Variants in TRPA1 observed in about 807,000 individuals in gnomAD.
TRPA1 encodes the protein transient receptor potential cation channel subfamily A member 1, also known as ankyrin-like with transmembrane domains 1.
Under a neutral mutation model 131.3 loss-of-function variants are expected in TRPA1, and 129 were observed. The ratio of observed to expected loss-of-function variants is 0.98; its 90% CI spans 0.85 to 1.14. The LOEUF is 1.14. Ranked by LOEUF, TRPA1 falls within the 50% of genes most tolerant of loss-of-function variation. TRPA1 has a pLI of 0.00. For synonymous variants in TRPA1, 441 were observed against 451.7 expected (o/e 0.98, Z 0.30); for missense variants, 1,304 against 1,354.2 (o/e 0.96, Z 0.58).
chr8:72,047,032 A>AGT (rs1805346925), intron 16 of TRPA1, 116 bp downstream of exon 16: 7 of 797,846 alleles, frequency 8.8e-6, no homozygotes, highest in African/African-American at 1.8e-5. Context: ...ATAATATGAC[A>AGT]AATTAGATCA....
intron 4 of TRPA1, among the ~76,000 whole-genome samples, chr8:72,064,792 A>G (rs913017705): frequency 1.3e-5 from 2 of 150,426 alleles, no homozygotes; most frequent in Non-Finnish European, 2.9e-5. Context: ...ATTTGCCGGC[A>G]TTCTAACAGC....
chr8:72,061,789 A>G (rs1269423522), intron 6 of TRPA1, 28 bp from the exon 7 acceptor site: 10 of 1,612,620 alleles, frequency 6.2e-6, no homozygotes, highest in East Asian at 2.2e-5. Flanking sequence ...GCTAGAATCA[A>G]TGTTTAAATC....
chr8:72,048,550 G>T (rs1805408957), intron 15 of TRPA1, among the ~76,000 whole-genome samples: 1 of 152,048 alleles, frequency 6.6e-6, no homozygotes, highest in Non-Finnish European at 1.5e-5. Flanking sequence ...AAACAGGCAG[G>T]TCTGGTTGTT....
intron 3 of TRPA1, among the ~76,000 whole-genome samples, chr8:72,068,380 T>G (rs2129436527): frequency 6.6e-6 from 1 of 152,308 alleles, no homozygotes; most frequent in African/African-American, 2.4e-5. Flanking sequence ...ATTCTTACCC[T>G]TTAGCAATTT....
At chr8:72,068,704 C>T (rs953231210) in intron 3 of TRPA1, among the ~76,000 whole-genome samples, 6 of 152,162 alleles carry the variant, frequency 3.9e-5, no homozygotes, top group Non-Finnish European at 7.4e-5. Flanking sequence ...ATTCTTTTGG[C>T]ACCTCAGTGT....
chr8:72,042,886 G>C (rs1049666642), intron 17 of TRPA1, among the ~76,000 whole-genome samples: 6 of 151,772 alleles, frequency 4.0e-5, no homozygotes, highest in Non-Finnish European at 5.9e-5. Context: ...AAAGTAGAAG[G>C]GTGGTTGCCA....
intron 24 of TRPA1, among the ~76,000 whole-genome samples, chr8:72,028,895 AG>A (rs1811702427): frequency 6.6e-6 from 1 of 152,248 alleles, no homozygotes; most frequent in Admixed American, 6.5e-5. Flanking sequence ...AAGAGTGAAT[AG>A]AAAGTTATAT....
Position 72,047,154 on chromosome 8 carries a change from G to A in TRPA1, c.1959C>T (p.Asp653=). The A allele has an allele frequency of 6.2e-7, 1 of 1,606,350 alleles. No homozygotes were observed. Among genetic ancestry groups the A allele is most frequent in the South Asian group, 1.1e-5 (1 of 90,298 alleles). The change falls in exon 16 of 27, where the codon GAC becomes GAT. Residue 653 remains aspartate, a synonymous_variant. Coordinates refer to ENST00000262209, the MANE Select transcript of TRPA1 (RefSeq NM_007332.3). ...GATGATAAAATAAACTTACATAATA[G>A]TCTCGGCAGGACTTGTCTTCTGTGG... ...LHSTEDKSCR[D]YYIEYNFKYL...
chr8:72,052,834 T>C, intron 13 of TRPA1, 69 bp from the exon 14 acceptor site: 1 of 1,576,170 alleles, frequency 6.3e-7, no homozygotes, highest in Non-Finnish European at 8.7e-7. Flanking sequence ...ACTGCTTAAC[T>C]GCTTAAAAGA....
chr8:72,084,203 A>G, the TRPA1 span, among the ~76,000 whole-genome samples: 1 of 152,058 alleles, frequency 6.6e-6, no homozygotes, highest in Non-Finnish European at 1.5e-5. Flanking sequence ...TCAGCATTTG[A>G]CTGTATTTTT....
At chr8:72,060,995 C>T (rs1805795958) in intron 7 of TRPA1, among the ~76,000 whole-genome samples, 1 of 151,850 alleles carries the variant, frequency 6.6e-6, no homozygotes, top group African/African-American at 2.4e-5. Flanking sequence ...AGTGAAGGCT[C>T]ATCTCAGATA....
intron 24 of TRPA1, among the ~76,000 whole-genome samples, chr8:72,029,288 T>C (rs1811720154): frequency 1.3e-5 from 2 of 152,222 alleles, no homozygotes; most frequent in African/African-American, 4.8e-5. Context: ...ATGCCAGTGA[T>C]GCTCTTGATC....
chr8:72,057,749 G>A lies in TRPA1; in HGVS notation c.1061C>T (p.Ser354Phe), dbSNP rs764839830. The change falls in exon 9 of 27, where the codon TCT (serine) becomes TTT (phenylalanine). Residue 354 changes from serine (S) to phenylalanine (F), a missense_variant. Ser to Phe is a radical substitution (Grantham distance 155). Coordinates refer to ENST00000262209, the MANE Select transcript of TRPA1 (RefSeq NM_007332.3). ...SPLILATASASWNIVNLLLSK... is the reference protein window; with the variant it reads ...SPLILATASAFWNIVNLLLSK... Reference sequence around the variant, plus strand: ...GAGTAGCAAATTTACAATATTCCAAGATGCAGAAGCAGTTGCTAATATAAG... The same window carrying A: ...GAGTAGCAAATTTACAATATTCCAAAATGCAGAAGCAGTTGCTAATATAAG... The A allele has an allele frequency of 6.8e-6, 11 of 1,613,810 alleles. No homozygotes were observed. The African/African-American group carries it at 1.5e-4, about 22-fold the overall frequency.
intron 23 of TRPA1, among the ~76,000 whole-genome samples, chr8:72,031,272 GA>G (rs1354989509): frequency 1.3e-5 from 2 of 152,046 alleles, no homozygotes; most frequent in African/African-American, 4.8e-5. Flanking sequence ...AATTTACATT[GA>G]CCCCCATCAA....
At chr8:72,035,230 G>A (rs903102548) in intron 21 of TRPA1, among the ~76,000 whole-genome samples, 23 of 152,132 alleles carry the variant, frequency 1.5e-4, no homozygotes, top group Non-Finnish European at 2.4e-4. Flanking sequence ...GGACTTCAGC[G>A]AAATTCACAG....
At chr8:72,049,279 T>C (rs930317409) in intron 15 of TRPA1, among the ~76,000 whole-genome samples, 1 of 152,166 alleles carries the variant, frequency 6.6e-6, no homozygotes, top group Non-Finnish European at 1.5e-5. Flanking sequence ...ACCCCTACTT[T>C]TGTAATCACT....
chr8:72,073,191 G>A (rs932945154), intron 1 of TRPA1, among the ~76,000 whole-genome samples: 2 of 152,172 alleles, frequency 1.3e-5, no homozygotes, highest in Admixed American at 1.3e-4. Context: ...GTTTTAGGTT[G>A]CTTTAATGAA....
upstream of TRPA1, among the ~76,000 whole-genome samples, chr8:72,079,013 T>C (rs1806240266): frequency 6.6e-6 from 1 of 152,052 alleles, no homozygotes; most frequent in Admixed American, 6.5e-5. Context: ...ATATTGTCCA[T>C]ATTAGCATGT....
intron 3 of TRPA1, 82 bp from the exon 4 acceptor site, chr8:72,065,640 C>A: frequency 2.1e-6 from 2 of 940,656 alleles, no homozygotes. Context: ...TTTAAGTTTT[C>A]AAATACCAGG....
Sources: allele counts gnomAD v4.1 joint callset (sites outside exome capture counted in the v4.1 genomes callset), GRCh38; gene constraint gnomAD v4.1.1; transcripts MANE v1.5; gene names NCBI Gene and HGNC (gene_info 2026-07-23, HGNC 2026-07-21).